MAN2C1: variants seen among roughly 807,000 people sequenced by gnomAD.
MAN2C1 encodes the protein mannosidase alpha class 2C member 1.
A neutral mutation model predicts 126.9 loss-of-function variants in MAN2C1; 111 were observed. The ratio of observed to expected loss-of-function variants is 0.87; its 90% CI spans 0.75 to 1.02. MAN2C1 has a LOEUF of 1.02. Ranked by LOEUF, MAN2C1 falls within the 50% of genes least tolerant of loss-of-function variation. The probability of loss-of-function intolerance (pLI) is 0.00; values close to 1 mark genes in which losing one functional copy is unlikely to be tolerated. For synonymous variants in MAN2C1, 567 were observed against 561.5 expected, an observed-to-expected ratio of 1.01 and a Z score of -0.14; for missense variants, 1,363 against 1,364.4, an observed-to-expected ratio of 1.00 and a Z score of 0.02.
rs1006440929 is a variant in MAN2C1 at position 75,364,557 on chromosome 15, C to T, written c.531G>A (p.Glu177=). The stretch of plus-strand genomic sequence containing the variant: ...GGACATCCCGGTGGAACACAGCTAG[C>T]TCAGCCCGGCTCAGCTGGAACATCT... ...PEKMFQLSRA[E]LAVFHRDVHM... Residue 177 remains glutamate (E), a synonymous_variant, in exon 5 of 26, where the codon GAG becomes GAA. Coordinates refer to ENST00000267978, the MANE Select transcript of MAN2C1 (RefSeq NM_006715.4). 1.9e-6 allele frequency: 3 copies of T among 1,611,084 alleles called. No homozygotes were observed. Among genetic ancestry groups the T allele is most frequent in the Admixed American group, 3.4e-5 (2 of 59,676 alleles).
At position 75,361,033 on chromosome 15, in the gene MAN2C1, G is replaced by A. The variant is rs768649910; in HGVS notation, c.1460+13C>T. ...CAGGGTGGGGCTAAAGGAGAGCCAAGGCCTGGCCTGACCTGGGCAGCCCAT... is the reference window on the plus strand; with the variant it reads ...CAGGGTGGGGCTAAAGGAGAGCCAAAGCCTGGCCTGACCTGGGCAGCCCAT... On this transcript the variant is annotated intron_variant, in intron 12 of 25. Transcript: ENST00000267978. The surrounding 1 kb of genome is among the most constrained non-coding windows in gnomAD (Gnocchi z 5.0). 2.5e-6 allele frequency: 4 copies of A among 1,603,198 alleles called. No individual in the cohort carries two copies. Among genetic ancestry groups the A allele is most frequent in the Non-Finnish European group, 3.4e-6 (4 of 1,175,506 alleles).
chr15:75,361,852 T>C lies in MAN2C1; in HGVS notation c.1101+3A>G, dbSNP rs1157524548. ...CAGCCTGGTGTAGCAGCTCTCAGCCTACCTCAGAGCACATCTTCCCAAACT... is the reference window on the plus strand; with the variant it reads ...CAGCCTGGTGTAGCAGCTCTCAGCCCACCTCAGAGCACATCTTCCCAAACT... On this transcript the variant is annotated splice_donor_region_variant and intron_variant, in intron 9 of 25. Transcript: ENST00000267978. This position sits in a 1 kb window ranked among gnomAD's most constrained non-coding sequence, Gnocchi z 5.0. 5.0e-6 allele frequency: 8 copies of C among 1,613,422 alleles called. 1 individual carries two copies. In the South Asian group the frequency reaches 7.7e-5, roughly 16 times the overall value.
At chr15:75,363,604 G>C (rs1445356610) in intron 6 of MAN2C1, 4 of 328,508 alleles carry the variant, frequency 1.2e-5, no homozygotes. Flanking sequence ...TCAGGAGTTT[G>C]AGACCAGCCT....
chr15:75,359,720 A>G lies in MAN2C1; in HGVS notation c.1848T>C (p.Ala616=), dbSNP rs562921975. ...LLSAAAAALC[A]GEPGPEGLLI... ...GGAGGCCCTCAGGACCTGGCTCCCC[A>G]GCACACAGGGCTGCGGCTGCAGCGC... is the stretch of plus-strand genomic sequence containing the variant. Residue 616 remains alanine (A), a synonymous_variant, in exon 16 of 26, where the codon GCT becomes GCC. Transcript: ENST00000267978. The G allele has an allele frequency of 6.2e-7, 1 of 1,614,146 alleles. No individual in the cohort carries two copies. Among genetic ancestry groups the G allele is most frequent in the South Asian group, 1.1e-5 (1 of 91,086 alleles).
In MAN2C1 at chr15:75,360,679, T is replaced by G; in HGVS notation, c.1470A>C (p.Leu490=). 1 of 1,613,592 alleles carries G rather than the reference T, an allele frequency of 6.2e-7. No individual in the cohort carries two copies. Among genetic ancestry groups the G allele is most frequent in the South Asian group, 1.1e-5 (1 of 91,086 alleles). Residue 490 remains leucine (L), a synonymous_variant, in exon 13 of 26, where the codon CTA becomes CTC. Coordinates refer to ENST00000267978, the MANE Select transcript of MAN2C1 (RefSeq NM_006715.4). ...SNTDGLPRVQ[L]SSPRQLFSAL... ...CTGAGAAGAGCTGTCTTGGAGAAGA[T>G]AGCTGCACCCTGAGGAGACCACAAG...
chr15:75,362,397 C>T lies in MAN2C1; in HGVS notation c.954G>A (p.Gln318=), dbSNP rs2072489819. The T allele has an allele frequency of 1.9e-6, 3 of 1,613,818 alleles. No individual in the cohort carries two copies. The African/African-American group carries it at 4.0e-5, about 22-fold the overall frequency. Residue 318 remains glutamine, a synonymous_variant, in exon 8 of 26, where the codon CAG becomes CAA. Coordinates refer to ENST00000267978, the MANE Select transcript of MAN2C1 (RefSeq NM_006715.4). This position sits in a 1 kb window ranked among gnomAD's most constrained non-coding sequence, Gnocchi z 4.5. ...SRYPGLYSRI[Q]EFACRGQFVP... is the part of the protein sequence containing the mutation. ...CAAACTGCCCACGGCACGCAAACTC[C>T]TGGATGCGGGAGTACAGGCCAGGGT...
At position 75,361,015 on chromosome 15, in the gene MAN2C1, G is replaced by A; in HGVS notation, c.1460+31C>T. 6.3e-7 allele frequency: 1 copy of A among 1,593,282 alleles called. No homozygotes were observed. Among genetic ancestry groups the A allele is most frequent in the Non-Finnish European group, 8.5e-7 (1 of 1,170,422 alleles). On this transcript the variant is annotated intron_variant, in intron 12 of 25. Transcript: ENST00000267978. The surrounding 1 kb of genome is among the most constrained non-coding windows in gnomAD (Gnocchi z 5.0). ...GGGCTCATGGCAAGGGCCCAGGGTGGGGCTAAAGGAGAGCCAAGGCCTGGC... is the reference window on the plus strand; with the variant it reads ...GGGCTCATGGCAAGGGCCCAGGGTGAGGCTAAAGGAGAGCCAAGGCCTGGC...
chr15:75,360,668 C>T lies in MAN2C1; in HGVS notation c.1481G>A (p.Arg494Lys), dbSNP rs1411664878. 6.2e-7 allele frequency: 1 copy of T among 1,613,782 alleles called. No individual in the cohort carries two copies. Among genetic ancestry groups the T allele is most frequent in the Non-Finnish European group, 8.5e-7 (1 of 1,180,000 alleles). ...GLPRVQLSSP[R>K]QLFSALESDS... ...ACTCTCCAGTGCTGAGAAGAGCTGTCTTGGAGAAGATAGCTGCACCCTGAG... is the reference window on the plus strand; with the variant it reads ...ACTCTCCAGTGCTGAGAAGAGCTGTTTTGGAGAAGATAGCTGCACCCTGAG... The change falls in exon 13 of 26, where the codon AGA becomes AAA. Residue 494 changes from arginine (R) to lysine (K), a missense_variant. Transcript: ENST00000267978.
chr15:75,362,002 C>A lies in MAN2C1; in HGVS notation c.1009-55G>T, dbSNP rs996553221. 2 of 1,322,290 alleles carry A rather than the reference C, an allele frequency of 1.5e-6. No homozygotes were observed. The highest frequency in any genetic ancestry group is 1.2e-5 in the South Asian group (1 of 85,240). The allele number at this position is 1,322,290 out of a possible 1,614,324, so 81.9% of individuals were successfully genotyped here. ...AGGTCAGCGCTGGACGGGGAGCAGG[C>A]AGGCGCTCAGGCCAACCCAATCCCT... On this transcript the variant is annotated intron_variant, in intron 8 of 25. Coordinates refer to ENST00000267978, the MANE Select transcript of MAN2C1 (RefSeq NM_006715.4). The surrounding 1 kb of genome is among the most constrained non-coding windows in gnomAD (Gnocchi z 4.5).
At position 75,368,105 on chromosome 15, in the gene MAN2C1, G is replaced by C. The variant is rs753503353; in HGVS notation, c.195C>G (p.Arg65=). The C allele has an allele frequency of 6.2e-7, 1 of 1,607,532 alleles. No homozygotes were observed. The highest frequency in any genetic ancestry group is 1.3e-5 in the African/African-American group (1 of 74,886). ...PYQEAVQRDF[R]PAQVGDSFGP... is the part of the protein sequence containing the mutation. ...CGAAGCTGTCGCCGACCTGCGCGGG[G>C]CGGAAGTCCCGCTGGACTGCCTCCT... Residue 65 remains arginine (R), a synonymous_variant, in exon 2 of 26, where the codon CGC becomes CGG. Transcript: ENST00000267978.
At position 75,358,694 on chromosome 15, in the gene MAN2C1, C is replaced by T. The variant is rs1035634967; in HGVS notation, c.2246+10G>A. 4 of 1,613,690 alleles carry T rather than the reference C, an allele frequency of 2.5e-6. No individual in the cohort carries two copies. The highest frequency in any genetic ancestry group is 1.7e-6 in the Non-Finnish European group (2 of 1,179,676). On this transcript the variant is annotated intron_variant, in intron 19 of 25. Transcript: ENST00000267978. ...ACCTCCACCATCCCCACATGCTGCC[C>T]AGCCTATACCGTGTCTCCAGGTGGT...
chr15:75,362,974 A>G lies in MAN2C1; in HGVS notation c.791-226T>C, dbSNP rs1197525777. The G allele has an allele frequency of 1.3e-5, 7 of 538,202 alleles. No individual in the cohort carries two copies. Among genetic ancestry groups the G allele is most frequent in the South Asian group, 1.2e-4 (6 of 50,116 alleles). 33.3% of individuals were successfully genotyped at this position (538,202 alleles called of 1,614,324 possible). A position where few individuals can be genotyped will look rare whatever the true frequency, so the allele number is the denominator to read the frequency against. On this transcript the variant is annotated intron_variant, in intron 6 of 25. Coordinates refer to ENST00000267978, the MANE Select transcript of MAN2C1 (RefSeq NM_006715.4). The surrounding 1 kb of genome is among the most constrained non-coding windows in gnomAD (Gnocchi z 4.5). ...TGAGGCCAATTATACAGGTCAGGAA[A>G]TGGAGGCTCCAGGCCCCAGAATAGC...
chr15:75,367,756 G>C, intron 2 of MAN2C1, 122 bp from the exon 3 acceptor site: 1 of 1,289,368 alleles, frequency 7.8e-7, no homozygotes, highest in Middle Eastern at 1.9e-4. Flanking sequence ...AAGGTACTCA[G>C]CTTTGAGTCA....
Position 75,364,662 on chromosome 15 carries a change from G to A in MAN2C1, c.426C>T (p.Leu142=), listed in dbSNP as rs375315269. Residue 142 remains leucine, a synonymous_variant, in exon 5 of 26, where the codon CTC becomes CTT. Coordinates refer to ENST00000267978, the MANE Select transcript of MAN2C1 (RefSeq NM_006715.4). ...TGCAGGCTACTTCCACATAGAGAGT[G>A]AGGCTACAAAGATGGGGAGACAGCC... ...DRLGERDPRS[L]TLYVEVACNG... 19 of 1,608,542 alleles carry A rather than the reference G, an allele frequency of 1.2e-5. No individual in the cohort carries two copies. Among genetic ancestry groups the A allele is most frequent in the Non-Finnish European group, 1.3e-5 (15 of 1,176,888 alleles).
chr15:75,356,127 C>G lies in MAN2C1; in HGVS notation c.2979G>C (p.Pro993=). Residue 993 remains proline (P), a synonymous_variant, in exon 25 of 26, where the codon CCG becomes CCC. Transcript: ENST00000267978. The surrounding 1 kb of genome is among the most constrained non-coding windows in gnomAD (Gnocchi z 5.8). ...HVDCWLHLSL[P]VQEAILCDLL... Reference sequence around the variant, plus strand: ...CCACTCACAGGATGGCCTCCTGAACCGGCAGCGACAAGTGCAGCCAGCAGT... The same window carrying G: ...CCACTCACAGGATGGCCTCCTGAACGGGCAGCGACAAGTGCAGCCAGCAGT... The G allele has an allele frequency of 1.9e-6, 3 of 1,613,780 alleles. No homozygotes were observed. The highest frequency in any genetic ancestry group is 2.5e-6 in the Non-Finnish European group (3 of 1,179,986).
At chr15:75,358,951 C>T (rs1228404115) in intron 18 of MAN2C1, 108 bp downstream of exon 18, 10 of 1,526,298 alleles carry the variant, frequency 6.6e-6, no homozygotes, top group South Asian at 1.2e-5. Flanking sequence ...GGGTTCCAGC[C>T]CAGAGCCACT....
chr15:75,366,646 G>A (rs2072581467), intron 3 of MAN2C1, 54 bp from the exon 4 acceptor site: 2 of 1,393,130 alleles, frequency 1.4e-6, no homozygotes, highest in South Asian at 1.3e-5. Flanking sequence ...GACAGTTCAG[G>A]TAAAGTGTAA....
chr15:75,357,405 A>G (rs2072350813), intron 21 of MAN2C1: 1 of 155,480 alleles, frequency 6.4e-6, no homozygotes, highest in African/African-American at 2.5e-5. Flanking sequence ...TAAAGGGTTC[A>G]AGCGATTCTC....
Position 75,364,106 on chromosome 15 carries a change from G to A in MAN2C1, c.683C>T (p.Pro228Leu), listed in dbSNP as rs1355056026. ...QMVNVCDPAQ[P>L]ETFPVAQALA... is the part of the protein sequence containing the mutation. ...GGCCTGGGCCACTGGGAAGGTCTCG[G>A]GCTGGGCAGGGTCACACACGTTCAC... Residue 228 changes from proline to leucine, a missense_variant, in exon 6 of 26, where the codon CCC becomes CTC. This residue lies in a region of MAN2C1 where 628 missense variants were observed against 609.8 expected (regional missense o/e 1.03). Transcript: ENST00000267978. The A allele has an allele frequency of 6.2e-7, 1 of 1,614,238 alleles. No homozygotes were observed. The highest frequency in any genetic ancestry group is 1.7e-5 in the Admixed American group (1 of 60,032).
Sources: gnomAD v4.1 joint callset for allele counts on GRCh38, gnomAD v4.1.1 for gene constraint, gnomAD v4.1.1 regional missense constraint, Gnocchi (gnomAD v3.1) non-coding constraint, MANE v1.5 for transcripts, NCBI Gene and HGNC (gene_info 2026-07-23, HGNC 2026-07-21) for gene names.